ADAM23: variants seen among roughly 807,000 people sequenced by gnomAD.
ADAM23 encodes the protein ADAM metallopeptidase domain 23, also known as disintegrin and metalloproteinase domain-containing protein 23.
A neutral mutation model predicts 120.1 loss-of-function variants in ADAM23; 33 were observed. The observed-to-expected ratio is 0.27, with a 90% CI of 0.21 to 0.37. The LOEUF (loss-of-function observed/expected upper bound fraction) is 0.37. Among genes scored for constraint, ADAM23 ranks in the 10% least tolerant of loss-of-function variants. The pLI is 1.00. For synonymous variants in ADAM23, 367 were observed against 375.2 expected, an observed-to-expected ratio of 0.98 and a Z score of 0.25; for missense variants, 862 against 1,058.2, an observed-to-expected ratio of 0.81 and a Z score of 2.57.
intron 2 of ADAM23, among the ~76,000 whole-genome samples, chr2:206,469,370 C>T (rs573152551): frequency 6.6e-6 from 1 of 152,138 alleles, no homozygotes; most frequent in Non-Finnish European, 1.5e-5. Context: ...TCATTATAAT[C>T]CATGTCTACT....
chr2:206,604,766 T>C (rs536412638), intron 24 of ADAM23, among the ~76,000 whole-genome samples: 3 of 152,332 alleles, frequency 2.0e-5, no homozygotes, highest in African/African-American at 7.2e-5. Context: ...AATGGTGGCT[T>C]TGAGTCGTGG....
chr2:206,474,018 A>C (rs1261316322), intron 2 of ADAM23, among the ~76,000 whole-genome samples: 5 of 148,082 alleles, frequency 3.4e-5, no homozygotes, highest in Admixed American at 2.6e-4. Context: ...TCTCAAAAAA[A>C]AAAAAACAAA....
chr2:206,450,866 A>G (rs1020849447), intron 2 of ADAM23, among the ~76,000 whole-genome samples: 6 of 152,194 alleles, frequency 3.9e-5, no homozygotes, highest in African/African-American at 1.4e-4. Context: ...CTTCTTTTGA[A>G]TCAGGCGCTG....
chr2:206,579,591 C>T (rs1698183246), intron 18 of ADAM23, among the ~76,000 whole-genome samples: 1 of 152,058 alleles, frequency 6.6e-6, no homozygotes, highest in Non-Finnish European at 1.5e-5. Flanking sequence ...GGTCTATATG[C>T]CTATTTTTAT....
At chr2:206,497,836 A>G (rs552635017) in intron 3 of ADAM23, among the ~76,000 whole-genome samples, 1 of 152,326 alleles carries the variant, frequency 6.6e-6, no homozygotes, top group Non-Finnish European at 1.5e-5. Flanking sequence ...TGCAAAAATC[A>G]CAAGCATTCT....
In ADAM23 at chr2:206,496,501, A is replaced by G. The variant is rs28868413; in HGVS notation, c.509+15193A>G. 3.8e-3 allele frequency among the ~76,000 whole-genome samples: 581 copies of G among 152,310 alleles called. 3 individuals carry two copies. Among genetic ancestry groups the G allele is most frequent in the African/African-American group, 0.013 (557 of 41,558 alleles). On this transcript the variant is annotated intron_variant, in intron 3 of 25. Transcript: ENST00000264377. ...AGAATCTCTGGGACACATTCAAAGCAGTGTGTAGAGGGAAATTTATAGCAC... is the reference window on the plus strand; with the variant it reads ...AGAATCTCTGGGACACATTCAAAGCGGTGTGTAGAGGGAAATTTATAGCAC...
chr2:206,493,758 AAT>A (rs1696180369), intron 3 of ADAM23, among the ~76,000 whole-genome samples: 1 of 152,270 alleles, frequency 6.6e-6, no homozygotes. Context: ...ATTTTACAGG[AAT>A]ATCTTTCAAA....
chr2:206,572,701 A>C (rs377619930), intron 17 of ADAM23, among the ~76,000 whole-genome samples: 1 of 152,250 alleles, frequency 6.6e-6, no homozygotes, highest in South Asian at 2.1e-4. Flanking sequence ...TAGCAAAAGA[A>C]AGTTTAATAT....
rs1697440483 is a variant in ADAM23, at chr2:206,548,281, C to T, written c.794C>T (p.Thr265Ile). 4.3e-6 allele frequency: 7 copies of T among 1,612,212 alleles called. No individual in the cohort carries two copies. The highest frequency in any genetic ancestry group is 1.3e-5 in the African/African-American group (1 of 74,992). The change falls in exon 8 of 26, where the codon ACT becomes ATT. Residue 265 changes from threonine to isoleucine, a missense_variant and splice_region_variant. Thr to Ile is a moderately conservative substitution (Grantham distance 89). Coordinates refer to ENST00000264377, the MANE Select transcript of ADAM23 (RefSeq NM_003812.4). The part of the protein sequence containing the change: ...GQYSKQMKNL[T>I]MERGDQWPFL... ...TGATACTAATTTTTCCTTTCTGCAG[C>T]TATGGAAAGAGGTGACCAGTGGCCC...
At chr2:206,488,509 C>T (rs1308923384) in intron 3 of ADAM23, among the ~76,000 whole-genome samples, 1 of 152,144 alleles carries the variant, frequency 6.6e-6, no homozygotes, top group East Asian at 1.9e-4. Context: ...GCTGTTTACT[C>T]CTCTGGGCAG....
chr2:206,613,534 C>T (rs1486809698), intron 25 of ADAM23, among the ~76,000 whole-genome samples: 3 of 152,124 alleles, frequency 2.0e-5, no homozygotes, highest in Non-Finnish European at 2.9e-5. Context: ...TTTCATTCAC[C>T]CCATGCTCCT....
intron 3 of ADAM23, among the ~76,000 whole-genome samples, chr2:206,489,495 G>C (rs761249380): frequency 6.6e-6 from 1 of 152,138 alleles, no homozygotes; most frequent in African/African-American, 2.4e-5. Context: ...AGGAGTCTCG[G>C]GGTTTATGAT....
chr2:206,508,481 C>A (rs1334047376), intron 3 of ADAM23, among the ~76,000 whole-genome samples: 1 of 151,684 alleles, frequency 6.6e-6, no homozygotes, highest in East Asian at 2.0e-4. Flanking sequence ...CATGGGGAAA[C>A]CCCATCTCTA....
intron 25 of ADAM23, among the ~76,000 whole-genome samples, chr2:206,613,936 G>T (rs72956649): frequency 6.6e-6 from 1 of 152,270 alleles, no homozygotes; most frequent in Non-Finnish European, 1.5e-5. Context: ...GGTAGGAAAA[G>T]AAATGAAGGT....
chr2:206,485,175 G>A (rs1246799408), intron 3 of ADAM23, among the ~76,000 whole-genome samples: 1 of 152,190 alleles, frequency 6.6e-6, no homozygotes, highest in Non-Finnish European at 1.5e-5. Context: ...CTGGAAATGA[G>A]GGAACTGTGT....
chr2:206,508,655 C>CA (rs34489352), intron 3 of ADAM23, among the ~76,000 whole-genome samples: 4,618 of 100,666 alleles, frequency 0.046, 166 homozygotes, highest in East Asian at 0.26. Context: ...ACTCTGTCTC[C>CA]AAAAAAAAAA....
intron 4 of ADAM23, among the ~76,000 whole-genome samples, chr2:206,538,717 A>G (rs1697231849): frequency 6.6e-6 from 1 of 152,178 alleles, no homozygotes; most frequent in Admixed American, 6.5e-5. Context: ...TATTGGTTCT[A>G]TTTCCACTAA....
chr2:206,458,061 T>A lies in ADAM23; in HGVS notation c.432+12537T>A, dbSNP rs141327355. Reference sequence around the variant, plus strand: ...CATTTATTTGCAGGATAAATATGATTGTGCTGCTAGGCTGTATAGAATGTC... The same window carrying A: ...CATTTATTTGCAGGATAAATATGATAGTGCTGCTAGGCTGTATAGAATGTC... On this transcript the variant is annotated intron_variant, in intron 2 of 25. Coordinates refer to ENST00000264377, the MANE Select transcript of ADAM23 (RefSeq NM_003812.4). Among the ~76,000 whole-genome samples the A allele has an allele frequency of 2.0e-5, 3 of 152,332 alleles. No homozygotes were observed. In the East Asian group the frequency reaches 5.8e-4, roughly 29 times the overall value.
At chr2:206,537,512 C>T (rs1463765013) in intron 4 of ADAM23, among the ~76,000 whole-genome samples, 2 of 152,054 alleles carry the variant, frequency 1.3e-5, no homozygotes, top group African/African-American at 4.8e-5. Flanking sequence ...CACGGGTCTG[C>T]CTGTCTTCCC....
Sources: allele counts gnomAD v4.1 joint callset (sites outside exome capture counted in the v4.1 genomes callset), GRCh38; gene constraint gnomAD v4.1.1; transcripts MANE v1.5; gene names NCBI Gene and HGNC (gene_info 2026-07-23, HGNC 2026-07-21).